The following WDPCP variants were observed in gnomAD, a reference collection of about 807,000 sequenced individuals.
WDPCP encodes WD repeat containing planar cell polarity effector, also known as WD repeat-containing and planar cell polarity effector protein fritz homolog.
In WDPCP, 71 loss-of-function variants were observed where a neutral mutation model predicts 93.1. That is an observed-to-expected ratio of 0.76 (90% CI 0.63 to 0.93). WDPCP has a LOEUF of 0.93. Ranked by LOEUF, WDPCP falls within the 40% of genes least tolerant of loss-of-function variation. The probability of loss-of-function intolerance (pLI) is 0.00; values close to 1 mark genes in which losing one functional copy is unlikely to be tolerated. For synonymous variants in WDPCP, 315 were observed against 315.0 expected (o/e 1.00, Z 0.00); for missense variants, 844 against 887.4 (o/e 0.95, Z 0.62).
chr2:63,504,795 G>A (rs553138509), intron 1 of WDPCP, among the ~76,000 whole-genome samples: 2 of 152,072 alleles, frequency 1.3e-5, no homozygotes, highest in South Asian at 4.1e-4. Context: ...AATGACTAAG[G>A]AGTGTTTTAA....
intron 1 of WDPCP, among the ~76,000 whole-genome samples, chr2:63,827,305 A>G (rs1450104179): frequency 6.6e-6 from 1 of 151,946 alleles, no homozygotes; most frequent in Admixed American, 6.6e-5. Flanking sequence ...TATGCTCAAT[A>G]TTTTTCTTGT....
intron 3 of WDPCP, among the ~76,000 whole-genome samples, chr2:63,593,887 CTGTT>C (rs1709251601): frequency 1.3e-5 from 2 of 152,084 alleles, no homozygotes; most frequent in African/African-American, 2.4e-5. Context: ...GTTGAAATCT[CTGTT>C]TGTATGTCTT....
intron 9 of WDPCP, among the ~76,000 whole-genome samples, chr2:63,426,049 A>T (rs536017114): frequency 9.5e-4 from 144 of 152,290 alleles, no homozygotes; most frequent in African/African-American, 3.0e-3. Flanking sequence ...CTTAAAAGGC[A>T]AAAGAGGAGG....
intron 13 of WDPCP, among the ~76,000 whole-genome samples, chr2:63,292,084 G>A (rs1371199804): frequency 1.5e-5 from 2 of 134,600 alleles, no homozygotes; most frequent in Non-Finnish European, 3.0e-5. Flanking sequence ...AGTGAGCCGA[G>A]ATCGCGCCAC....
Position 63,552,543 on chromosome 2 carries a change from TA to T in WDPCP, c.75+35653del, listed in dbSNP as rs533128091. 4.2e-3 allele frequency among the ~76,000 whole-genome samples: 646 copies of T among 152,304 alleles called. 4 individuals are homozygous for T. The highest frequency in any genetic ancestry group is 6.3e-3 in the Non-Finnish European group (426 of 68,024). On this transcript the variant is annotated intron_variant, in intron 1 of 17. Coordinates refer to ENST00000272321, the MANE Select transcript of WDPCP (RefSeq NM_015910.7). ...CTCCTCTTTTTTTTATTTCAACTTT[TA>T]AATGCAGGGGGTACATGTGTGGGTT...
chr2:63,589,475 G>C, upstream of WDPCP: 2 of 1,297,544 alleles, frequency 1.5e-6, no homozygotes, highest in African/African-American at 1.5e-5. Context: ...CAGGGACCTT[G>C]AAAGCAAAAA....
At chr2:63,278,298 C>T (rs749511103) in intron 13 of WDPCP, among the ~76,000 whole-genome samples, 2 of 152,076 alleles carry the variant, frequency 1.3e-5, no homozygotes, top group South Asian at 2.1e-4. Flanking sequence ...TAAATGCCTA[C>T]ATCAAAAAGT....
At chr2:63,257,135 G>A (rs529025068) in intron 14 of WDPCP, among the ~76,000 whole-genome samples, 19 of 152,142 alleles carry the variant, frequency 1.2e-4, no homozygotes, top group Admixed American at 9.2e-4. Flanking sequence ...TTCCTTTGGC[G>A]CCTCTTGCTT....
intron 13 of WDPCP, among the ~76,000 whole-genome samples, chr2:63,294,536 T>G (rs1219668292): frequency 1.9e-5 from 2 of 107,408 alleles, no homozygotes; most frequent in Non-Finnish European, 3.9e-5. Flanking sequence ...AAAAAAGTGC[T>G]GAAAGAAAAA....
At chr2:63,122,375 C>T (rs1267524022) in intron 17 of WDPCP, among the ~76,000 whole-genome samples, 1 of 152,080 alleles carries the variant, frequency 6.6e-6, no homozygotes, top group East Asian at 1.9e-4. Context: ...CATTTGGATT[C>T]TACAGTGTGA....
Position 63,120,394 on chromosome 2 carries a change from G to T in WDPCP, c.*1612C>A, listed in dbSNP as rs13009267. 6.6e-6 allele frequency among the ~76,000 whole-genome samples: 1 copy of T among 152,048 alleles called. No homozygotes were observed. Among genetic ancestry groups the T allele is most frequent in the South Asian group, 2.1e-4 (1 of 4,818 alleles). On this transcript the variant is annotated 3_prime_UTR_variant, in exon 18 of 18. Transcript: ENST00000272321. ...CCCTCTGGTAGAGGTACAGATAAAT[G>T]GGAAGTAGAAAGAAAAATTTGAAGT...
intron 13 of WDPCP, among the ~76,000 whole-genome samples, chr2:63,265,467 A>T (rs1364459838): frequency 6.6e-6 from 1 of 152,194 alleles, no homozygotes; most frequent in Non-Finnish European, 1.5e-5. Flanking sequence ...CAGTCTACTA[A>T]GTCAGGAAAG....
intron 12 of WDPCP, among the ~76,000 whole-genome samples, chr2:63,359,435 A>C (rs1207308685): frequency 1.3e-5 from 2 of 152,258 alleles, no homozygotes; most frequent in African/African-American, 4.8e-5. Context: ...ATCATTAGCC[A>C]TCAGGAAAAT....
chr2:63,782,048 A>G (rs557799753), intron 2 of WDPCP, among the ~76,000 whole-genome samples: 10 of 152,258 alleles, frequency 6.6e-5, no homozygotes, highest in South Asian at 6.2e-4. Flanking sequence ...TCATCCTTCA[A>G]ACTGTTTCAT....
At chr2:63,652,236 A>G (rs1040529045) in intron 2 of WDPCP, among the ~76,000 whole-genome samples, 1 of 152,220 alleles carries the variant, frequency 6.6e-6, no homozygotes, top group Admixed American at 6.5e-5. Context: ...AGACACAGAC[A>G]CAGACACAAT....
intron 2 of WDPCP, among the ~76,000 whole-genome samples, chr2:63,696,275 A>T (rs1337354846): frequency 6.7e-6 from 1 of 148,684 alleles, no homozygotes; most frequent in African/African-American, 2.5e-5. Context: ...GCACATCTTC[A>T]TGGAAGTGAT....
rs139287264 is a variant in WDPCP, at chr2:63,198,909, T to C, written c.1916-24077A>G. On this transcript the variant is annotated intron_variant, in intron 14 of 17. Coordinates refer to ENST00000272321, the MANE Select transcript of WDPCP (RefSeq NM_015910.7). ...AGATGAGGGAAAGTTTGGAGCTTCT[T>C]AGAGACTGGTTAAATTGTTGAAGTC... is the stretch of plus-strand genomic sequence containing the variant. 2.0e-5 allele frequency among the ~76,000 whole-genome samples: 3 copies of C among 152,248 alleles called. No individual in the cohort carries two copies. The East Asian group carries it at 5.8e-4, about 29-fold the overall frequency.
At chr2:63,132,397 A>C (rs1670347918) in intron 17 of WDPCP, among the ~76,000 whole-genome samples, 1 of 151,150 alleles carries the variant, frequency 6.6e-6, no homozygotes, top group Non-Finnish European at 1.5e-5. Context: ...AGATTGGGTA[A>C]GTTTTTGGCC....
chr2:63,592,271 A>T (rs143628502), upstream of WDPCP, among the ~76,000 whole-genome samples: 4 of 152,350 alleles, frequency 2.6e-5, no homozygotes, highest in East Asian at 7.7e-4. Context: ...CTATAGTTGG[A>T]ACTATTGTGG....
Sources: gnomAD v4.1 joint callset for allele counts (sites outside exome capture counted in the v4.1 genomes callset) on GRCh38, gnomAD v4.1.1 for gene constraint, MANE v1.5 for transcripts, NCBI Gene and HGNC (gene_info 2026-07-23, HGNC 2026-07-21) for gene names.